ACBD6: variants seen among roughly 807,000 people sequenced by gnomAD.
ACBD6 encodes acyl-CoA-binding domain-containing protein 6.
In ACBD6, 28 loss-of-function variants were observed where a neutral mutation model predicts 37.2. The ratio of observed to expected loss-of-function variants is 0.75; its 90% confidence interval spans 0.56 to 1.03. ACBD6 has a LOEUF of 1.03. Among genes scored for constraint, ACBD6 ranks in the 50% least tolerant of loss-of-function variants. The pLI is 0.00. For synonymous variants in ACBD6, 113 were observed against 126.8 expected (o/e 0.89, Z 0.73); for missense variants, 340 against 337.4 (o/e 1.01, Z -0.06).
chr1:180,482,939 T>A (rs1180729344), intron 3 of ACBD6, among the ~76,000 whole-genome samples: 2 of 152,224 alleles, frequency 1.3e-5, no homozygotes, highest in African/African-American at 4.8e-5. Context: ...TTTGTTTCCA[T>A]AAGCCTCTAT....
intron 6 of ACBD6, among the ~76,000 whole-genome samples, chr1:180,373,315 C>T (rs1436168782): frequency 2.0e-5 from 3 of 152,130 alleles, no homozygotes; most frequent in African/African-American, 2.4e-5. Flanking sequence ...TAGCACTTTG[C>T]TGCTATTTCA....
chr1:180,337,255 T>A (rs945484051), intron 6 of ACBD6, among the ~76,000 whole-genome samples: 3 of 152,096 alleles, frequency 2.0e-5, no homozygotes, highest in African/African-American at 7.2e-5. Context: ...AAATCCTCAA[T>A]AAAATACTGA....
chr1:180,271,917 G>T, exon 14 of ACBD6: 1 of 1,613,592 alleles, frequency 6.2e-7, no homozygotes, highest in Non-Finnish European at 8.5e-7. Flanking sequence ...TTCTATAAGA[G>T]CGTCAAGAGG....
chr1:180,460,125 TC>T (rs1650081386), intron 3 of ACBD6, among the ~76,000 whole-genome samples: 1 of 141,194 alleles, frequency 7.1e-6, no homozygotes, highest in South Asian at 2.5e-4. Context: ...ATGCTATCCC[TC>T]CCCCCTCCCC....
intron 1 of ACBD6, among the ~76,000 whole-genome samples, chr1:180,495,811 T>C (rs1651712749): frequency 6.6e-6 from 1 of 152,180 alleles, no homozygotes; most frequent in Non-Finnish European, 1.5e-5. Flanking sequence ...TAGTAGACTA[T>C]ATATAAGACA....
chr1:180,393,113 T>C (rs1202182900), intron 6 of ACBD6, among the ~76,000 whole-genome samples: 1 of 152,182 alleles, frequency 6.6e-6, no homozygotes, highest in Non-Finnish European at 1.5e-5. Context: ...CGCACGCCCG[T>C]AAGCCATATC....
chr1:180,313,356 A>G (rs1373697467), intron 7 of ACBD6, among the ~76,000 whole-genome samples: 3 of 152,220 alleles, frequency 2.0e-5, no homozygotes, highest in Non-Finnish European at 4.4e-5. Flanking sequence ...TGTAGGTAGT[A>G]TAATAGCTAG....
chr1:180,342,162 A>T (rs188951908), intron 6 of ACBD6, among the ~76,000 whole-genome samples: 1 of 152,324 alleles, frequency 6.6e-6, no homozygotes, highest in Admixed American at 6.5e-5. Context: ...ACATGAACAT[A>T]AGAACCATGA....
chr1:180,330,658 AT>A (rs1477368944), intron 6 of ACBD6, among the ~76,000 whole-genome samples: 2 of 152,224 alleles, frequency 1.3e-5, no homozygotes, highest in Non-Finnish European at 2.9e-5. Flanking sequence ...ATTACTGATT[AT>A]TCATCCCTTT....
intron 3 of ACBD6, among the ~76,000 whole-genome samples, chr1:180,487,831 C>T (rs1332934012): frequency 6.6e-6 from 1 of 152,092 alleles, no homozygotes; most frequent in African/African-American, 2.4e-5. Context: ...AGCCATAATG[C>T]AACAAAAGTA....
At chr1:180,399,109 T>A (rs1438810098) in intron 5 of ACBD6, among the ~76,000 whole-genome samples, 1 of 152,156 alleles carries the variant, frequency 6.6e-6, no homozygotes, top group Non-Finnish European at 1.5e-5. Flanking sequence ...TTACTTTTAT[T>A]TACCTGTAAA....
intron 3 of ACBD6, among the ~76,000 whole-genome samples, chr1:180,469,992 AAATAT>A (rs1487776260): frequency 2.0e-5 from 3 of 152,190 alleles, no homozygotes; most frequent in South Asian, 2.1e-4. Flanking sequence ...AAATTATGTC[AAATAT>A]AATAAATAAG....
intron 4 of ACBD6, among the ~76,000 whole-genome samples, chr1:180,414,030 A>G (rs1319517279): frequency 1.3e-5 from 2 of 152,202 alleles, no homozygotes; most frequent in African/African-American, 4.8e-5. Flanking sequence ...TATACAGTAC[A>G]TTTTTCTATT....
rs1368100579 is a variant in ACBD6, at chr1:180,467,732, C to A, written c.384+24537G>T. On this transcript the variant is annotated intron_variant, in intron 3 of 7. Coordinates refer to ENST00000367595, the MANE Select transcript of ACBD6 (RefSeq NM_032360.4). Reference sequence around the variant, plus strand: ...CCTACACTTTATCTCATTTAATACACCATGAACAACTTTCCATATCATTCT... The same window carrying A: ...CCTACACTTTATCTCATTTAATACAACATGAACAACTTTCCATATCATTCT... 2.0e-5 allele frequency among the ~76,000 whole-genome samples: 3 copies of A among 152,256 alleles called. No individual in the cohort carries two copies. The East Asian group carries it at 5.8e-4, about 29-fold the overall frequency.
At position 180,502,221 on chromosome 1, in the gene ACBD6, C is replaced by G. The variant is rs747662159; in HGVS notation, c.46G>C (p.Gly16Arg). ...TCGTCCCCTGAGCTCAGCTCTCCACCGCTGTCGCCGGTGATGGCCCCCGCG... is the reference window on the plus strand; with the variant it reads ...TCGTCCCCTGAGCTCAGCTCTCCACGGCTGTCGCCGGTGATGGCCCCCGCG... ...LPAGAITGDS[G>R]GELSSGDDSG... is the part of the protein sequence containing the mutation. Residue 16 changes from glycine (G) to arginine (R), a missense_variant, in exon 1 of 8, where the codon GGT (glycine) becomes CGT (arginine). Physicochemically the swap from Gly to Arg is moderately radical, Grantham distance 125. Transcript: ENST00000367595. 50 of 1,613,796 alleles carry G rather than the reference C, an allele frequency of 3.1e-5. No homozygotes were observed. The highest frequency in any genetic ancestry group is 4.0e-5 in the Non-Finnish European group (47 of 1,180,048).
intron 5 of ACBD6, among the ~76,000 whole-genome samples, chr1:180,407,845 T>C (rs1316403396): frequency 1.3e-5 from 2 of 152,352 alleles, no homozygotes; most frequent in East Asian, 3.9e-4. Flanking sequence ...TATTATGTGT[T>C]ATTTGAAAGA....
chr1:180,315,819 G>A (rs1050943545), intron 6 of ACBD6, among the ~76,000 whole-genome samples: 5 of 152,126 alleles, frequency 3.3e-5, no homozygotes, highest in African/African-American at 1.2e-4. Context: ...AGGTCTGATT[G>A]GATTTGGAGG....
Position 180,402,028 on chromosome 1 carries a change from T to C in ACBD6, c.574-4423A>G, listed in dbSNP as rs528714881. Among the ~76,000 whole-genome samples the C allele has an allele frequency of 7.2e-5, 11 of 152,304 alleles. No individual in the cohort carries two copies. The South Asian group carries it at 2.1e-3, about 29-fold the overall frequency. The stretch of plus-strand genomic sequence containing the variant: ...ACTGTCTAATTAGCAAATGAAATAC[T>C]GCAAACAGGTAGATCTGAATTTCTC... On this transcript the variant is annotated intron_variant, in intron 5 of 7. Coordinates refer to ENST00000367595, the MANE Select transcript of ACBD6 (RefSeq NM_032360.4).
chr1:180,362,240 C>A (rs1019681971), intron 6 of ACBD6, among the ~76,000 whole-genome samples: 9 of 152,176 alleles, frequency 5.9e-5, no homozygotes, highest in Admixed American at 5.9e-4. Context: ...ATCAACTATT[C>A]TTTTATTACG....
Sources: allele counts gnomAD v4.1 joint callset (sites outside exome capture counted in the v4.1 genomes callset), GRCh38; gene constraint gnomAD v4.1.1; transcripts MANE v1.5; gene names NCBI Gene and HGNC (gene_info 2026-07-23, HGNC 2026-07-21).